Variants in ARHGEF17 observed in about 807,000 individuals in gnomAD.
The protein encoded by ARHGEF17 is Rho guanine nucleotide exchange factor 17.
ARHGEF17 carries 80 observed loss-of-function variants against 174.0 expected under a neutral mutation model. The ratio of observed to expected loss-of-function variants is 0.46; its 90% confidence interval spans 0.38 to 0.55. ARHGEF17 has a LOEUF of 0.55. Among genes scored for constraint, ARHGEF17 ranks in the 20% least tolerant of loss-of-function variants. The probability of loss-of-function intolerance (pLI) is 0.00; values close to 1 mark genes in which losing one functional copy is unlikely to be tolerated. For synonymous variants in ARHGEF17, 1,311 were observed against 1,189.1 expected, an observed-to-expected ratio of 1.10 and a Z score of -2.11; for missense variants, 2,886 against 2,839.7, an observed-to-expected ratio of 1.02 and a Z score of -0.37.
At position 73,365,320 on chromosome 11, in the gene ARHGEF17, A is replaced by AC; in HGVS notation, c.5551-70_5551-69insC. ...AGTTGTGAGGGATGGACACTGGTGA[A>AC]GCTCCAGGCTAGGGTGGGCCAAGGG... On this transcript the variant is annotated intron_variant, in intron 18 of 20. Transcript: ENST00000263674. The surrounding 1 kb of genome is among the most constrained non-coding windows in gnomAD (Gnocchi z 4.9). 6.4e-7 allele frequency: 1 copy of AC among 1,562,396 alleles called. No individual in the cohort carries two copies. The highest frequency in any genetic ancestry group is 8.7e-7 in the Non-Finnish European group (1 of 1,143,106).
At chr11:73,320,973 T>C (rs188724493) in intron 1 of ARHGEF17, among the ~76,000 whole-genome samples, 43 of 152,124 alleles carry the variant, frequency 2.8e-4, no homozygotes, top group Non-Finnish European at 5.1e-4. Context: ...ACTGCTGAGA[T>C]TAAGTGAAAG....
In ARHGEF17 at chr11:73,325,138, G is replaced by A. The variant is rs200064951; in HGVS notation, c.3192+13308G>A. 4.6e-5 allele frequency among the ~76,000 whole-genome samples: 7 copies of A among 152,260 alleles called. No homozygotes were observed. In the East Asian group the frequency reaches 1.2e-3, roughly 25 times the overall value. ...GCAGATCTCTTGGGCCATGGCCGGC[G>A]TGACTCAAATGGAGACAAAAAAACC... On this transcript the variant is annotated intron_variant, in intron 1 of 20. Coordinates refer to ENST00000263674, the MANE Select transcript of ARHGEF17 (RefSeq NM_014786.4).
At chr11:73,312,239 C>A (rs1864850797) in intron 1 of ARHGEF17, among the ~76,000 whole-genome samples, 1 of 152,172 alleles carries the variant, frequency 6.6e-6, no homozygotes, top group African/African-American at 2.4e-5. Flanking sequence ...GTTGGCCAGA[C>A]CCTTGATAGG....
At chr11:73,355,986 G>A (rs758070196) in intron 5 of ARHGEF17, 33 bp downstream of exon 5, 2 of 1,612,996 alleles carry the variant, frequency 1.2e-6, no homozygotes, top group South Asian at 1.1e-5. Flanking sequence ...AAGTGGGCAA[G>A]GCCTGGAAGC....
chr11:73,350,779 C>T (rs562473982), intron 2 of ARHGEF17, among the ~76,000 whole-genome samples: 30 of 152,302 alleles, frequency 2.0e-4, no homozygotes, highest in African/African-American at 6.3e-4. Flanking sequence ...AGTCCCCCTC[C>T]CCTTGGCACC....
rs1482118264 is a variant in ARHGEF17 at position 73,355,918 on chromosome 11, G to A, written c.3628G>A (p.Val1210Met). ...GCTGTCTGACCTCATGATCAAGCCT[G>A]TGCAGCGGATCCCACGCTACGAGCT... ...QALSDLMIKP[V>M]QRIPRYELLV... The change falls in exon 5 of 21, where the codon GTG becomes ATG. Residue 1210 changes from valine to methionine, a missense_variant. Val to Met is a conservative substitution (Grantham distance 21, BLOSUM62 1). Coordinates refer to ENST00000263674, the MANE Select transcript of ARHGEF17 (RefSeq NM_014786.4). The A allele has an allele frequency of 6.2e-7, 1 of 1,614,202 alleles. No individual in the cohort carries two copies. Among genetic ancestry groups the A allele is most frequent in the Admixed American group, 1.7e-5 (1 of 60,028 alleles).
At position 73,357,225 on chromosome 11, in the gene ARHGEF17, C is replaced by G. The variant is rs1459926788; in HGVS notation, c.4002-17C>G. Reference sequence around the variant, plus strand: ...ACTCCCCGACCCTGGCCAGAGCGCCCCATTGGCTCCCCACAGGTACACGGC... The same window carrying G: ...ACTCCCCGACCCTGGCCAGAGCGCCGCATTGGCTCCCCACAGGTACACGGC... On this transcript the variant is annotated splice_polypyrimidine_tract_variant and intron_variant, in intron 8 of 20. Coordinates refer to ENST00000263674, the MANE Select transcript of ARHGEF17 (RefSeq NM_014786.4). 6.2e-7 allele frequency: 1 copy of G among 1,613,432 alleles called. No individual in the cohort carries two copies. Among genetic ancestry groups the G allele is most frequent in the Non-Finnish European group, 8.5e-7 (1 of 1,179,476 alleles).
At position 73,315,183 on chromosome 11, in the gene ARHGEF17, C is replaced by T. The variant is rs573954748; in HGVS notation, c.3192+3353C>T. The stretch of plus-strand genomic sequence containing the variant: ...GGAGATTGGCCTGCCATCTGAGTAG[C>T]GGGGACAAGTCAGCAGACAGTTGGG... On this transcript the variant is annotated intron_variant, in intron 1 of 20. Transcript: ENST00000263674. Among the ~76,000 whole-genome samples, 6 of 152,234 alleles carry T rather than the reference C, an allele frequency of 3.9e-5. No homozygotes were observed. The South Asian group carries it at 6.2e-4, about 16-fold the overall frequency.
In ARHGEF17 at chr11:73,355,935, C is replaced by T; in HGVS notation, c.3645C>T (p.Arg1215=). ...TCAAGCCTGTGCAGCGGATCCCACGCTACGAGCTTCTGGTGAAGGTGGGCA... is the reference window on the plus strand; with the variant it reads ...TCAAGCCTGTGCAGCGGATCCCACGTTACGAGCTTCTGGTGAAGGTGGGCA... The part of the protein sequence containing the change: ...LMIKPVQRIP[R]YELLVKDLLK... The change falls in exon 5 of 21, where the codon CGC becomes CGT. Residue 1215 remains arginine (R), a synonymous_variant. Transcript: ENST00000263674. 6.2e-7 allele frequency: 1 copy of T among 1,614,176 alleles called. No individual in the cohort carries two copies. The highest frequency in any genetic ancestry group is 1.1e-5 in the South Asian group (1 of 91,084).
At position 73,309,520 on chromosome 11, in the gene ARHGEF17, G is replaced by T; in HGVS notation, c.882G>T (p.Gly294=). 6.4e-7 allele frequency: 1 copy of T among 1,568,238 alleles called. No homozygotes were observed. Among genetic ancestry groups the T allele is most frequent in the Non-Finnish European group, 8.7e-7 (1 of 1,153,250 alleles). ...EGGHRWGGRP[G]LRPGSSLLDQ... The stretch of plus-strand genomic sequence containing the variant: ...GCCACCGCTGGGGAGGGAGGCCCGG[G>T]CTCAGGCCTGGAAGCTCCCTATTGG... The change falls in exon 1 of 21, where the codon GGG becomes GGT. Residue 294 remains glycine, a synonymous_variant. Coordinates refer to ENST00000263674, the MANE Select transcript of ARHGEF17 (RefSeq NM_014786.4).
intron 15 of ARHGEF17, 105 bp from the exon 16 acceptor site, chr11:73,363,642 C>T (rs934480366): frequency 4.4e-5 from 67 of 1,515,388 alleles, no homozygotes; most frequent in East Asian, 2.3e-5. Flanking sequence ...CTTGGGCAGG[C>T]ACCCAGCATT....
Position 73,357,108 on chromosome 11 carries a change from C to T in ARHGEF17, c.3975C>T (p.Gly1325=). ...GCACCACTCTGAAGCGAAAGTCAGG[C>T]TCCCTGCGGCGCAGCTCCATGAGCC... ...IVCTTLKRKS[G]SLRRSSMSLY... Residue 1325 remains glycine, a synonymous_variant, in exon 8 of 21, where the codon GGC becomes GGT. Transcript: ENST00000263674. 2 of 1,614,224 alleles carry T rather than the reference C, an allele frequency of 1.2e-6. No homozygotes were observed. Among genetic ancestry groups the T allele is most frequent in the East Asian group, 4.5e-5 (2 of 44,884 alleles).
Position 73,362,023 on chromosome 11 carries a change from A to G in ARHGEF17, c.4495-17A>G, listed in dbSNP as rs1865747396. On this transcript the variant is annotated splice_polypyrimidine_tract_variant and intron_variant, in intron 12 of 20. Transcript: ENST00000263674. ...TTCCTCCATTCACCTTCTCCTGTCC[A>G]TTGGCGCCTCCTGCAGTTCTCCTGT... is the stretch of plus-strand genomic sequence containing the variant. 1.2e-6 allele frequency: 2 copies of G among 1,607,422 alleles called. No homozygotes were observed. The highest frequency in any genetic ancestry group is 2.2e-5 in the East Asian group (1 of 44,678).
chr11:73,323,087 AG>A (rs1292246745), intron 1 of ARHGEF17, among the ~76,000 whole-genome samples: 3 of 152,078 alleles, frequency 2.0e-5, no homozygotes, highest in East Asian at 3.9e-4. Flanking sequence ...GTGCCCAGCA[AG>A]CCTCCTGTCT....
chr11:73,308,493 A>C lies in ARHGEF17; in HGVS notation c.-146A>C. ...ACAGAAACTTGAGCCGCGGCAGAGA[A>C]ACCTCTGCTCCGGTCTCTGCGTCCT... On this transcript the variant is annotated 5_prime_UTR_variant, in exon 1 of 21. Coordinates refer to ENST00000263674, the MANE Select transcript of ARHGEF17 (RefSeq NM_014786.4). 1.4e-6 allele frequency: 1 copy of C among 691,352 alleles called. No individual in the cohort carries two copies. The highest frequency in any genetic ancestry group is 2.1e-6 in the Non-Finnish European group (1 of 484,366). 42.8% of individuals were successfully genotyped at this position (691,352 alleles called of 1,614,324 possible).
At chr11:73,355,978 G>A (rs2134417386) in intron 5 of ARHGEF17, 25 bp downstream of exon 5, 5 of 1,613,784 alleles carry the variant, frequency 3.1e-6, no homozygotes, top group Middle Eastern at 1.7e-4. Flanking sequence ...GGGTGGGCAA[G>A]TGGGCAAGGC....
chr11:73,356,214 C>T lies in ARHGEF17; in HGVS notation c.3703C>T (p.Pro1235Ser), dbSNP rs1268419467. 1 of 1,613,930 alleles carries T rather than the reference C, an allele frequency of 6.2e-7. No homozygotes were observed. Among genetic ancestry groups the T allele is most frequent in the Non-Finnish European group, 8.5e-7 (1 of 1,180,044 alleles). The change falls in exon 6 of 21, where the codon CCA becomes TCA. Residue 1235 changes from proline (P) to serine (S), a missense_variant. By Grantham distance (74) the Pro-to-Ser change is moderately conservative. Coordinates refer to ENST00000263674, the MANE Select transcript of ARHGEF17 (RefSeq NM_014786.4). ...TACACCTGAGGACCACCCGGACCATCCACTCCTGCTGGAGGCGCAGCGGAA... is the reference window on the plus strand; with the variant it reads ...TACACCTGAGGACCACCCGGACCATTCACTCCTGCTGGAGGCGCAGCGGAA... ...KHTPEDHPDH[P>S]LLLEAQRNIK...
At position 73,362,243 on chromosome 11, in the gene ARHGEF17, AGGCCTGGGCGGC is replaced by A. The variant is rs1189427960; in HGVS notation, c.4694+7_4694+18del. ...GGCTGCAGCCTCGCTGCCACCGGTG[AGGCCTGGGCGGC>A]GGGGTGGGCGGCACCGCGGGCCTGG... On this transcript the variant is annotated splice_donor_5th_base_variant and intron_variant, in intron 13 of 20. Coordinates refer to ENST00000263674, the MANE Select transcript of ARHGEF17 (RefSeq NM_014786.4). 6.6e-7 allele frequency: 1 copy of A among 1,520,156 alleles called. No individual in the cohort carries two copies. Among genetic ancestry groups the A allele is most frequent in the Non-Finnish European group, 8.8e-7 (1 of 1,138,828 alleles). The allele number at this position is 1,520,156 out of a possible 1,614,324, so 94.2% of individuals were successfully genotyped here.
chr11:73,351,011 G>A (rs1236958922), intron 2 of ARHGEF17, among the ~76,000 whole-genome samples: 2 of 152,316 alleles, frequency 1.3e-5, no homozygotes, highest in Admixed American at 1.3e-4. Context: ...GTCATTGTTT[G>A]TTCTTTCCTC....
Sources: allele counts gnomAD v4.1 joint callset (sites outside exome capture counted in the v4.1 genomes callset), GRCh38; gene constraint gnomAD v4.1.1; non-coding constraint Gnocchi (gnomAD v3.1); transcripts MANE v1.5; gene names NCBI Gene and HGNC (gene_info 2026-07-23, HGNC 2026-07-21).